Variants in CUL3 observed in about 807,000 individuals in gnomAD.
CUL3 encodes the protein cullin 3.
CUL3 carries 19 observed loss-of-function variants against 89.1 expected under a neutral mutation model. The ratio of observed to expected loss-of-function variants is 0.21; its 90% CI spans 0.15 to 0.31. The LOEUF is 0.31. Among genes scored for constraint, CUL3 ranks in the 10% least tolerant of loss-of-function variants. The probability of loss-of-function intolerance (pLI) is 1.00; values close to 1 mark genes in which losing one functional copy is unlikely to be tolerated. For synonymous variants in CUL3, 351 were observed against 308.4 expected (o/e 1.14, Z -1.45); for missense variants, 469 against 942.3 (o/e 0.50, Z 6.58).
intron 10 of CUL3, among the ~76,000 whole-genome samples, chr2:224,501,293 C>CT (rs1441769758): frequency 6.6e-6 from 1 of 152,202 alleles, no homozygotes; most frequent in Non-Finnish European, 1.5e-5. Context: ...CCTCTGCATA[C>CT]AGATCCAGTG....
At chr2:224,524,980 TG>T (rs1277984652) in intron 3 of CUL3, among the ~76,000 whole-genome samples, 1 of 140,684 alleles carries the variant, frequency 7.1e-6, no homozygotes, top group Non-Finnish European at 1.5e-5. Flanking sequence ...CTAATGGGGG[TG>T]GGGGTAATAA....
At chr2:224,516,614 C>T (rs1693060739) in intron 3 of CUL3, among the ~76,000 whole-genome samples, 1 of 151,636 alleles carries the variant, frequency 6.6e-6, no homozygotes, top group South Asian at 2.1e-4. Flanking sequence ...TGAGCCCAGC[C>T]TCCCTCCTTG....
intron 1 of CUL3, chr2:224,569,676 A>G: frequency 8.6e-7 from 1 of 1,167,412 alleles, no homozygotes; most frequent in African/African-American, 1.7e-5. Context: ...ATGTCAGTCT[A>G]TTATATACTT....
At chr2:224,539,555 C>A (rs1234940271) in intron 2 of CUL3, among the ~76,000 whole-genome samples, 1 of 152,120 alleles carries the variant, frequency 6.6e-6, no homozygotes, top group South Asian at 2.1e-4. Context: ...GAAACCAAGA[C>A]GTTCTTCTGC....
In CUL3 at chr2:224,557,370, A is replaced by T. The variant is rs563390312; in HGVS notation, c.264+289T>A. 4.6e-5 allele frequency among the ~76,000 whole-genome samples: 7 copies of T among 150,980 alleles called. No individual in the cohort carries two copies. The South Asian group carries it at 1.3e-3, about 27-fold the overall frequency. ...TGATTAAATCATTTTAAGGAAAAAA[A>T]TTCCTTGTAATTAACATATTAATAA... is the stretch of plus-strand genomic sequence containing the variant. On this transcript the variant is annotated intron_variant, in intron 2 of 15. Transcript: ENST00000264414.
chr2:224,523,918 T>C (rs1312769359), intron 3 of CUL3, among the ~76,000 whole-genome samples: 1 of 151,778 alleles, frequency 6.6e-6, no homozygotes, highest in East Asian at 1.9e-4. Context: ...GAGGGGAAAA[T>C]GGAAAGTTAC....
chr2:224,563,557 T>G (rs1259657933), intron 1 of CUL3, among the ~76,000 whole-genome samples: 1 of 152,192 alleles, frequency 6.6e-6, no homozygotes, highest in Admixed American at 6.5e-5. Flanking sequence ...CAGTTTCACC[T>G]TCCTTGGTTT....
At chr2:224,553,598 G>A (rs1694597132) in intron 2 of CUL3, among the ~76,000 whole-genome samples, 1 of 152,176 alleles carries the variant, frequency 6.6e-6, no homozygotes, top group South Asian at 2.1e-4. Flanking sequence ...AATCCCAAAT[G>A]TGATAGTATT....
At chr2:224,500,342 C>T (rs1422173166) in intron 11 of CUL3, 21 bp downstream of exon 11, 1 of 1,613,294 alleles carries the variant, frequency 6.2e-7, no homozygotes, top group South Asian at 1.1e-5. Flanking sequence ...CACAGTGATA[C>T]AAAGTCTGAT....
At chr2:224,519,356 C>T (rs1261454304) in intron 3 of CUL3, among the ~76,000 whole-genome samples, 1 of 152,106 alleles carries the variant, frequency 6.6e-6, no homozygotes, top group Non-Finnish European at 1.5e-5. Flanking sequence ...TCTGAAAACA[C>T]TTATGGTCAC....
rs1691071486 is a variant in CUL3 at position 224,470,181 on chromosome 2, T to C, written c.*4064A>G. 1 of 197,456 alleles carries C rather than the reference T, an allele frequency of 5.1e-6. No homozygotes were observed. The highest frequency in any genetic ancestry group is 8.0e-5 in the East Asian group (1 of 12,546). 12.2% of individuals were successfully genotyped at this position (197,456 alleles called of 1,614,324 possible). A position where few individuals can be genotyped will look rare whatever the true frequency, so the allele number is the denominator to read the frequency against. On this transcript the variant is annotated 3_prime_UTR_variant, in exon 16 of 16. Transcript: ENST00000264414. Reference sequence around the variant, plus strand: ...GACTGAGAATTTTAATTTTCCCACATTGCAATAAATCTTGTATGCAATAAA... The same window carrying C: ...GACTGAGAATTTTAATTTTCCCACACTGCAATAAATCTTGTATGCAATAAA...
At chr2:224,570,983 T>G (rs1695168317) in intron 1 of CUL3, among the ~76,000 whole-genome samples, 1 of 152,166 alleles carries the variant, frequency 6.6e-6, no homozygotes. Context: ...TTCGACTATA[T>G]CTCTGTGAAT....
chr2:224,572,675 TA>T (rs1695209272), intron 1 of CUL3, among the ~76,000 whole-genome samples: 1 of 149,348 alleles, frequency 6.7e-6, no homozygotes, highest in Admixed American at 6.7e-5. Context: ...AGGAAGTGAT[TA>T]ACTCATAAGG....
chr2:224,567,025 T>C (rs955588397), intron 1 of CUL3, among the ~76,000 whole-genome samples: 4 of 152,136 alleles, frequency 2.6e-5, no homozygotes, highest in African/African-American at 7.2e-5. Flanking sequence ...CGTCATGACT[T>C]TTCTCTGCTT....
intron 15 of CUL3, among the ~76,000 whole-genome samples, chr2:224,477,415 C>G (rs1691364512): frequency 6.6e-6 from 1 of 152,200 alleles, no homozygotes; most frequent in Non-Finnish European, 1.5e-5. Flanking sequence ...ATAGTTCTTT[C>G]TTGCTCTCCA....
chr2:224,477,654 C>T (rs955669765), intron 15 of CUL3, among the ~76,000 whole-genome samples: 22 of 152,166 alleles, frequency 1.4e-4, no homozygotes, highest in Admixed American at 3.9e-4. Context: ...CCTCTATCTA[C>T]TCATTCAAGC....
At chr2:224,578,700 G>A (rs1695367205) in intron 1 of CUL3, among the ~76,000 whole-genome samples, 1 of 151,926 alleles carries the variant, frequency 6.6e-6, no homozygotes, top group Non-Finnish European at 1.5e-5. Flanking sequence ...CTTACAATGG[G>A]CTAACAAGAA....
chr2:224,553,193 GATT>G (rs1694579924), intron 2 of CUL3, among the ~76,000 whole-genome samples: 1 of 152,132 alleles, frequency 6.6e-6, no homozygotes, highest in Admixed American at 6.6e-5. Flanking sequence ...GTGTTTATAT[GATT>G]ATTAAAATTG....
chr2:224,519,584 G>A (rs879470147), intron 3 of CUL3, among the ~76,000 whole-genome samples: 7 of 152,070 alleles, frequency 4.6e-5, no homozygotes, highest in Non-Finnish European at 1.0e-4. Context: ...CTAATAAATG[G>A]AGAAGAAACA....
Sources: allele counts gnomAD v4.1 joint callset (sites outside exome capture counted in the v4.1 genomes callset), GRCh38; gene constraint gnomAD v4.1.1; transcripts MANE v1.5; gene names NCBI Gene and HGNC (gene_info 2026-07-23, HGNC 2026-07-21).